The following BABAM2 variants were observed in gnomAD, a reference collection of about 807,000 sequenced individuals.
The protein encoded by BABAM2 is BRISC and BRCA1-A complex member 2.
In BABAM2, 31 loss-of-function variants were observed where a neutral mutation model predicts 54.7. The ratio of observed to expected loss-of-function variants is 0.57; its 90% CI spans 0.43 to 0.77. The LOEUF is 0.77. BABAM2 is among the 30% of genes least tolerant of loss of function. BABAM2 has a pLI of 0.00. For missense variants in BABAM2, 364 were observed against 455.8 expected (o/e 0.80, Z 1.83); for synonymous variants, 167 against 162.9 (o/e 1.03, Z -0.19).
chr2:28,110,249 C>A (rs1360641080), intron 6 of BABAM2, among the ~76,000 whole-genome samples: 3 of 152,062 alleles, frequency 2.0e-5, no homozygotes. Context: ...TACATATATA[C>A]CATGTTTTGC....
At chr2:28,115,716 G>A (rs1018191228) in intron 6 of BABAM2, among the ~76,000 whole-genome samples, 3 of 152,082 alleles carry the variant, frequency 2.0e-5, no homozygotes, top group Non-Finnish European at 4.4e-5. Flanking sequence ...GTAGACCGGG[G>A]AGAAGGCGTC....
At chr2:28,224,284 G>A (rs1159536085) in intron 7 of BABAM2, among the ~76,000 whole-genome samples, 1 of 152,270 alleles carries the variant, frequency 6.6e-6, no homozygotes, top group East Asian at 1.9e-4. Context: ...AAATGTTTTG[G>A]TTTGGAATTG....
chr2:28,315,140 G>A (rs1689420117), intron 11 of BABAM2, among the ~76,000 whole-genome samples: 1 of 151,164 alleles, frequency 6.6e-6, no homozygotes, highest in South Asian at 2.1e-4. Context: ...GAGAAGGAGA[G>A]GGGAGGAGAT....
At chr2:28,321,790 A>C (rs531238984) in intron 11 of BABAM2, among the ~76,000 whole-genome samples, 1 of 152,178 alleles carries the variant, frequency 6.6e-6, no homozygotes, top group East Asian at 1.9e-4. Flanking sequence ...TTAGCAAAGG[A>C]TTTCATTTGC....
intron 3 of BABAM2, among the ~76,000 whole-genome samples, chr2:27,973,006 G>A (rs1671334192): frequency 6.6e-6 from 1 of 151,742 alleles, no homozygotes; most frequent in African/African-American, 2.4e-5. Context: ...GACCTCAGAT[G>A]ATCCGCCCGC....
intron 10 of BABAM2, among the ~76,000 whole-genome samples, chr2:28,270,702 A>G (rs1685350730): frequency 6.6e-6 from 1 of 152,224 alleles, no homozygotes; most frequent in Admixed American, 6.5e-5. Flanking sequence ...GAAGAGCCTC[A>G]GCCCTGAATC....
chr2:27,914,466 A>C (rs993004881), intron 2 of BABAM2, among the ~76,000 whole-genome samples: 1 of 152,210 alleles, frequency 6.6e-6, no homozygotes, highest in African/African-American at 2.4e-5. Flanking sequence ...CTTCTTCTGA[A>C]TGTGATCCAG....
At chr2:28,280,884 G>C (rs1013549011) in intron 10 of BABAM2, among the ~76,000 whole-genome samples, 3 of 152,240 alleles carry the variant, frequency 2.0e-5, no homozygotes, top group Non-Finnish European at 4.4e-5. Context: ...AGGCGGGGGG[G>C]CAGTGAGAGC....
chr2:28,061,027 T>G (rs1210342793), intron 6 of BABAM2, among the ~76,000 whole-genome samples: 1 of 152,246 alleles, frequency 6.6e-6, no homozygotes, highest in East Asian at 1.9e-4. Flanking sequence ...CTAAACAATT[T>G]TGAAAAAGAA....
chr2:28,265,970 G>A (rs1478389660), intron 10 of BABAM2, among the ~76,000 whole-genome samples: 1 of 151,480 alleles, frequency 6.6e-6, no homozygotes, highest in African/African-American at 2.4e-5. Flanking sequence ...ATAAATATAA[G>A]TACATATTCT....
At chr2:28,033,875 A>G (rs955419445) in intron 5 of BABAM2, among the ~76,000 whole-genome samples, 4 of 152,048 alleles carry the variant, frequency 2.6e-5, no homozygotes, top group South Asian at 2.1e-4. Flanking sequence ...AAAATCATCA[A>G]TGGGTGATCT....
At chr2:27,889,316 C>G (rs1436295792), upstream of BABAM2, among the ~76,000 whole-genome samples, 1 of 152,052 alleles carries the variant, frequency 6.6e-6, no homozygotes, top group East Asian at 1.9e-4. Context: ...TCTCTATTAC[C>G]CTTTGGAAAA....
At chr2:28,275,755 A>G (rs1367551527) in intron 10 of BABAM2, among the ~76,000 whole-genome samples, 1 of 152,228 alleles carries the variant, frequency 6.6e-6, no homozygotes, top group Non-Finnish European at 1.5e-5. Flanking sequence ...TCCAACAGCC[A>G]ATAAACATCC....
At chr2:28,280,490 AAAC>A (rs1233595547) in intron 10 of BABAM2, among the ~76,000 whole-genome samples, 1 of 152,202 alleles carries the variant, frequency 6.6e-6, no homozygotes, top group Non-Finnish European at 1.5e-5. Flanking sequence ...AGTTTCAGAC[AAAC>A]AACTCTCTTT....
At chr2:28,026,832 A>ATATC (rs1311915830) in intron 5 of BABAM2, among the ~76,000 whole-genome samples, 4 of 51,030 alleles carry the variant, frequency 7.8e-5, no homozygotes, top group African/African-American at 3.1e-4. Flanking sequence ...TTATATATAT[A>ATATC]AATATATATA....
intron 6 of BABAM2, among the ~76,000 whole-genome samples, chr2:28,069,404 A>G (rs1663917147): frequency 6.6e-6 from 1 of 152,244 alleles, no homozygotes; most frequent in South Asian, 2.1e-4. Context: ...TATCTAATGT[A>G]CTTCCAGATA....
chr2:28,032,326 G>A (rs772873634), intron 5 of BABAM2, among the ~76,000 whole-genome samples: 6 of 152,146 alleles, frequency 3.9e-5, no homozygotes, highest in Non-Finnish European at 7.3e-5. Context: ...CAGCTGGCAT[G>A]AGGAAAATGT....
At chr2:28,139,120 G>A (rs1670801822) in intron 7 of BABAM2, among the ~76,000 whole-genome samples, 1 of 151,964 alleles carries the variant, frequency 6.6e-6, no homozygotes, top group Non-Finnish European at 1.5e-5. Flanking sequence ...TGGAGGAAGT[G>A]TAACTATGTT....
intron 10 of BABAM2, among the ~76,000 whole-genome samples, chr2:28,273,668 G>A (rs1236966374): frequency 7.2e-5 from 11 of 152,078 alleles, no homozygotes; most frequent in Admixed American, 2.6e-4. Flanking sequence ...GCAGTGAGCC[G>A]AGATTATACC....
Sources: allele counts gnomAD v4.1 joint callset (sites outside exome capture counted in the v4.1 genomes callset), GRCh38; gene constraint gnomAD v4.1.1; transcripts MANE v1.5; gene names NCBI Gene and HGNC (gene_info 2026-07-23, HGNC 2026-07-21).